Variants in GLIS1 observed in about 807,000 individuals in gnomAD.
The protein encoded by GLIS1 is GLIS family zinc finger 1, also known as zinc finger protein GLIS1.
Under a neutral mutation model 63.8 loss-of-function variants are expected in GLIS1, and 24 were observed. The observed-to-expected ratio is 0.38, with a 90% confidence interval of 0.27 to 0.53. The LOEUF is 0.53. Ranked by LOEUF, GLIS1 falls within the 20% of genes least tolerant of loss-of-function variation. GLIS1 has a pLI of 0.85. For missense variants in GLIS1, 1,036 were observed against 1,074.1 expected (o/e 0.96, Z 0.50); for synonymous variants, 450 against 482.5 (o/e 0.93, Z 0.88).
chr1:53,571,521 G>A (rs1400463540), intron 4 of GLIS1, among the ~76,000 whole-genome samples: 3 of 152,188 alleles, frequency 2.0e-5, no homozygotes, highest in African/African-American at 7.2e-5. Context: ...TTCACAGAAT[G>A]TAATAGTATA....
chr1:53,548,716 T>C (rs1344079581), intron 4 of GLIS1, among the ~76,000 whole-genome samples: 2 of 152,262 alleles, frequency 1.3e-5, no homozygotes, highest in Non-Finnish European at 2.9e-5. Flanking sequence ...TGCTTGCATC[T>C]GTTTCCCTGT....
At chr1:53,523,331 G>A (rs1376911834) in intron 6 of GLIS1, among the ~76,000 whole-genome samples, 6 of 151,940 alleles carry the variant, frequency 3.9e-5, no homozygotes, top group Non-Finnish European at 5.9e-5. Flanking sequence ...CAAGCCTGGC[G>A]GTCCCCTCCC....
intron 2 of GLIS1, among the ~76,000 whole-genome samples, chr1:53,695,581 C>T (rs1570063338): frequency 6.6e-6 from 1 of 152,298 alleles, no homozygotes; most frequent in South Asian, 2.1e-4. Context: ...CAGCGGAGGG[C>T]TCAGCCCGAC....
chr1:53,592,729 T>G (rs1424637270), intron 4 of GLIS1, among the ~76,000 whole-genome samples: 1 of 152,194 alleles, frequency 6.6e-6, no homozygotes, highest in Non-Finnish European at 1.5e-5. Context: ...TCCCCACCAC[T>G]GCTCCACACA....
intron 4 of GLIS1, among the ~76,000 whole-genome samples, chr1:53,582,939 T>C (rs1344891253): frequency 6.6e-6 from 1 of 152,218 alleles, no homozygotes; most frequent in African/African-American, 2.4e-5. Context: ...CGGAAGTATC[T>C]GAAGCACTCA....
intron 2 of GLIS1, among the ~76,000 whole-genome samples, chr1:53,663,021 A>G (rs561196408): frequency 5.3e-5 from 8 of 152,330 alleles, no homozygotes; most frequent in Non-Finnish European, 1.2e-4. Context: ...TCCAGAGCCC[A>G]TGAATGGCCT....
In GLIS1 at chr1:53,660,769, G is replaced by T. The variant is rs12117514; in HGVS notation, c.260-60491C>A. ...TATCTGGCTGGATGGGGGCTCTCCT[G>T]GTGCTCAGGTTTATGGGAGTGTGTA... On this transcript the variant is annotated intron_variant, in intron 2 of 10. Transcript: ENST00000628545. Among the ~76,000 whole-genome samples, 793 of 151,628 alleles carry T rather than the reference G, an allele frequency of 5.2e-3. 1 individual carries two copies. The highest frequency in any genetic ancestry group is 9.2e-3 in the Non-Finnish European group (625 of 68,018).
rs1645285232 is a variant in GLIS1 at position 53,598,590 on chromosome 1, C to T, written c.437+1511G>A. Among the ~76,000 whole-genome samples the T allele has an allele frequency of 6.6e-6, 1 of 152,054 alleles. No homozygotes were observed. Among genetic ancestry groups the T allele is most frequent in the Non-Finnish European group, 1.5e-5 (1 of 68,008 alleles). On this transcript the variant is annotated intron_variant, in intron 3 of 10. Transcript: ENST00000628545. This position sits in a 1 kb window ranked among gnomAD's most constrained non-coding sequence, Gnocchi z 4.6. Reference sequence around the variant, plus strand: ...GCCGAGGGATGGCCACGTGAGTACTCAGCGACAAGGCGGTCATCTGCGAGC... The same window carrying T: ...GCCGAGGGATGGCCACGTGAGTACTTAGCGACAAGGCGGTCATCTGCGAGC...
At chr1:53,533,298 T>G (rs1220186744) in intron 4 of GLIS1, among the ~76,000 whole-genome samples, 1 of 152,180 alleles carries the variant, frequency 6.6e-6, no homozygotes, top group Non-Finnish European at 1.5e-5. Context: ...GAGAGTTCCT[T>G]GAGAGCAGGG....
chr1:53,659,149 C>A (rs1645999695), intron 2 of GLIS1, among the ~76,000 whole-genome samples: 1 of 152,118 alleles, frequency 6.6e-6, no homozygotes, highest in South Asian at 2.1e-4. Flanking sequence ...GTGCTCTGAG[C>A]CTGAAGAATG....
intron 4 of GLIS1, among the ~76,000 whole-genome samples, chr1:53,576,488 C>T (rs1225142048): frequency 6.6e-6 from 1 of 152,172 alleles, no homozygotes; most frequent in Non-Finnish European, 1.5e-5. Context: ...GCACAGCTGC[C>T]TCTTCTTCCA....
Position 53,594,161 on chromosome 1 carries a change from T to C in GLIS1, c.1267A>G (p.Lys423Glu). 1 of 1,613,762 alleles carries C rather than the reference T, an allele frequency of 6.2e-7. No homozygotes were observed. Among genetic ancestry groups the C allele is most frequent in the East Asian group, 2.2e-5 (1 of 44,866 alleles). ...TGCACTCGCATGTGGATGAGCAGCT[T>C]GTAGCGGGCGTTGAAGGGCTTGTAG... Reference protein sequence around the residue: ...RRYKPFNARYKLLIHMRVHSG... With the variant: ...RRYKPFNARYELLIHMRVHSG... The change falls in exon 4 of 11, where the codon AAG (lysine) becomes GAG (glutamate). Residue 423 changes from lysine (K) to glutamate (E), a missense_variant. Physicochemically the swap from Lys to Glu is moderately conservative, Grantham distance 56. This residue lies in a region of GLIS1 where 592 missense variants were observed against 593.9 expected (regional missense o/e 1.00). Coordinates refer to ENST00000628545, the MANE Select transcript of GLIS1 (RefSeq NM_001367484.1).
chr1:53,569,484 T>A (rs528464633), intron 4 of GLIS1, among the ~76,000 whole-genome samples: 4 of 119,246 alleles, frequency 3.4e-5, no homozygotes, highest in Admixed American at 1.0e-4. Context: ...TATTTTTTTT[T>A]TTAAAAAAGC....
chr1:53,722,703 G>A (rs370307459), intron 2 of GLIS1, among the ~76,000 whole-genome samples: 3 of 151,232 alleles, frequency 2.0e-5, no homozygotes, highest in East Asian at 3.9e-4. Flanking sequence ...GCGTGGTGGC[G>A]TGTGCCTGCA....
intron 2 of GLIS1, among the ~76,000 whole-genome samples, chr1:53,723,140 AT>A (rs1173327429): frequency 3.9e-5 from 6 of 152,270 alleles, no homozygotes; most frequent in Admixed American, 1.3e-4. Flanking sequence ...CTCAAAAAAA[AT>A]AAAAATAAAA....
At chr1:53,709,411 T>TACACACAC (rs57887584) in intron 2 of GLIS1, among the ~76,000 whole-genome samples, 91 of 14,894 alleles carry the variant, frequency 6.1e-3, no homozygotes, top group Middle Eastern at 0.056. Context: ...CATATATATA[T>TACACACAC]ACACACACAC....
intron 2 of GLIS1, among the ~76,000 whole-genome samples, chr1:53,656,951 C>T (rs915503525): frequency 2.0e-5 from 3 of 152,198 alleles, no homozygotes; most frequent in African/African-American, 7.2e-5. Flanking sequence ...TGGCTGGATC[C>T]TCATAACTGC....
intron 2 of GLIS1, among the ~76,000 whole-genome samples, chr1:53,650,766 G>A (rs139710919): frequency 3.3e-5 from 5 of 152,296 alleles, no homozygotes; most frequent in Non-Finnish European, 7.3e-5. Context: ...CGGAAGGAAC[G>A]AATAGGTGAA....
chr1:53,734,008 T>G (rs1252517717), intron 2 of GLIS1: 10 of 984,760 alleles, frequency 1.0e-5, no homozygotes, highest in Non-Finnish European at 1.2e-5. Context: ...CAAAACATCA[T>G]GACTTACTGT....
Sources: gnomAD v4.1 joint callset for allele counts (sites outside exome capture counted in the v4.1 genomes callset) on GRCh38, gnomAD v4.1.1 for gene constraint, gnomAD v4.1.1 regional missense constraint, Gnocchi (gnomAD v3.1) non-coding constraint, MANE v1.5 for transcripts, NCBI Gene and HGNC (gene_info 2026-07-23, HGNC 2026-07-21) for gene names.